GABRA4: variants seen among roughly 807,000 people sequenced by gnomAD.
GABRA4 encodes gamma-aminobutyric acid type A receptor subunit alpha4.
GABRA4 carries 12 observed loss-of-function variants against 49.7 expected under a neutral mutation model. The ratio of observed to expected loss-of-function variants is 0.24; its 90% CI spans 0.15 to 0.39. GABRA4 has a LOEUF of 0.39. Ranked by LOEUF, GABRA4 falls within the 10% of genes least tolerant of loss-of-function variation. The probability of loss-of-function intolerance (pLI) is 1.00; values close to 1 mark genes in which losing one functional copy is unlikely to be tolerated. For synonymous variants in GABRA4, 288 were observed against 240.2 expected, an observed-to-expected ratio of 1.20 and a Z score of -1.84; for missense variants, 506 against 686.0, an observed-to-expected ratio of 0.74 and a Z score of 2.93.
chr4:46,963,813 GGA>G (rs1722658297), intron 8 of GABRA4, among the ~76,000 whole-genome samples: 1 of 151,732 alleles, frequency 6.6e-6, no homozygotes, highest in African/African-American at 2.4e-5. Flanking sequence ...AGCAAACACT[GGA>G]GATAAATTAG....
At position 46,922,456 on chromosome 4, in the gene GABRA4, T is replaced by C. The variant is rs1441098793; in HGVS notation, c.*5769A>G. On this transcript the variant is annotated 3_prime_UTR_variant, in exon 9 of 9. Transcript: ENST00000264318. ...AATAGAAAGAAACCAGCCCCAAAAA[T>C]AGGCAAGGGAGATAAAACCTCAATG... 2 of 151,884 alleles carry C rather than the reference T, an allele frequency of 1.3e-5. No homozygotes were observed. Among genetic ancestry groups the C allele is most frequent in the Admixed American group, 6.6e-5 (1 of 15,226 alleles). The allele number at this position is 151,884 out of a possible 1,614,324, so 9.4% of individuals were successfully genotyped here.
chr4:46,970,989 T>A (rs1722932041), intron 7 of GABRA4, 94 bp downstream of exon 7: 1 of 1,120,550 alleles, frequency 8.9e-7, no homozygotes, highest in Non-Finnish European at 1.3e-6. Context: ...GATAGCCTGA[T>A]GTATTAGGGT....
At chr4:46,955,743 G>A (rs1354736986) in intron 8 of GABRA4, among the ~76,000 whole-genome samples, 3 of 152,018 alleles carry the variant, frequency 2.0e-5, no homozygotes, top group Non-Finnish European at 4.4e-5. Flanking sequence ...TCAGGAGACA[G>A]GTTTAAGGTG....
rs1167871673 is a variant in GABRA4, at chr4:46,921,032, A to G, written c.*7193T>C. On this transcript the variant is annotated 3_prime_UTR_variant, in exon 9 of 9. Coordinates refer to ENST00000264318, the MANE Select transcript of GABRA4 (RefSeq NM_000809.4). ...CTTGAATATCGTAAATTTCCTTTGC[A>G]TAGTTCCATTTTTCCATTTTGAAGT... The G allele has an allele frequency of 6.6e-6, 1 of 151,780 alleles. No homozygotes were observed. Among genetic ancestry groups the G allele is most frequent in the Admixed American group, 6.6e-5 (1 of 15,220 alleles). The allele number at this position is 151,780 out of a possible 1,614,324, so 9.4% of individuals were successfully genotyped here. A position where few individuals can be genotyped will look rare whatever the true frequency, so the allele number is the denominator to read the frequency against.
At chr4:46,935,255 A>C (rs548223928) in intron 8 of GABRA4, among the ~76,000 whole-genome samples, 2 of 152,318 alleles carry the variant, frequency 1.3e-5, no homozygotes, top group South Asian at 4.1e-4. Context: ...TTTGTCATTT[A>C]CTAGCTATGA....
chr4:46,934,797 A>G (rs1056969784), intron 8 of GABRA4, among the ~76,000 whole-genome samples: 6 of 152,102 alleles, frequency 3.9e-5, no homozygotes, highest in Admixed American at 2.0e-4. Flanking sequence ...AATGTTTTGT[A>G]TGGTAGACAC....
At chr4:46,979,376 G>T (rs968995231) in intron 2 of GABRA4, among the ~76,000 whole-genome samples, 1 of 151,992 alleles carries the variant, frequency 6.6e-6, no homozygotes, top group African/African-American at 2.4e-5. Flanking sequence ...GTTACAACAG[G>T]CAATGCAGAG....
chr4:46,930,504 A>C (rs1371583439), intron 8 of GABRA4, among the ~76,000 whole-genome samples: 1 of 152,072 alleles, frequency 6.6e-6, no homozygotes, highest in Non-Finnish European at 1.5e-5. Context: ...ATACATACAC[A>C]CATGATACAA....
At chr4:46,962,511 T>G (rs1722614526) in intron 8 of GABRA4, among the ~76,000 whole-genome samples, 1 of 151,890 alleles carries the variant, frequency 6.6e-6, no homozygotes, top group Non-Finnish European at 1.5e-5. Context: ...AGAATCAATA[T>G]TAATAAAATT....
At chr4:46,977,164 A>T in intron 4 of GABRA4, 21 bp from the exon 5 acceptor site, 1 of 1,474,334 alleles carries the variant, frequency 6.8e-7, no homozygotes, top group Non-Finnish European at 9.4e-7. Flanking sequence ...AAATGCAATT[A>T]AATAAAATCA....
intron 6 of GABRA4, among the ~76,000 whole-genome samples, chr4:46,971,703 C>T (rs1722952580): frequency 6.7e-6 from 1 of 150,302 alleles, no homozygotes; most frequent in African/African-American, 2.4e-5. Flanking sequence ...AATAAATATA[C>T]ATATTTATAT....
intron 2 of GABRA4, among the ~76,000 whole-genome samples, chr4:46,991,623 A>G (rs975978074): frequency 6.6e-6 from 1 of 152,182 alleles, no homozygotes; most frequent in African/African-American, 2.4e-5. Context: ...ATCACACAGC[A>G]TCTGATACCA....
intron 7 of GABRA4, among the ~76,000 whole-genome samples, chr4:46,968,709 T>A (rs1265091568): frequency 1.3e-5 from 2 of 151,686 alleles, no homozygotes; most frequent in East Asian, 3.9e-4. Context: ...TCTTAAAATA[T>A]CTTGTTTGGA....
intron 8 of GABRA4, among the ~76,000 whole-genome samples, chr4:46,961,625 G>T (rs192748996): frequency 6.6e-6 from 1 of 151,880 alleles, no homozygotes; most frequent in Non-Finnish European, 1.5e-5. Context: ...ATAAGGGACC[G>T]ATCTGTTATC....
At chr4:46,964,700 C>T (rs1356910413) in intron 8 of GABRA4, among the ~76,000 whole-genome samples, 3 of 151,628 alleles carry the variant, frequency 2.0e-5, no homozygotes, top group Non-Finnish European at 4.4e-5. Context: ...GGGATTTTGC[C>T]CCTTTCTGTA....
chr4:46,986,532 T>C (rs1432084710), intron 2 of GABRA4, among the ~76,000 whole-genome samples: 2 of 152,092 alleles, frequency 1.3e-5, no homozygotes, highest in Admixed American at 1.3e-4. Context: ...GGGACAAAGA[T>C]TCCTCCTCTC....
At chr4:46,967,810 G>A (rs1157679007) in intron 7 of GABRA4, among the ~76,000 whole-genome samples, 1 of 151,592 alleles carries the variant, frequency 6.6e-6, no homozygotes, top group Admixed American at 6.6e-5. Context: ...CAGAAGCTGA[G>A]TGAGGATGTG....
At chr4:46,974,644 T>C (rs1344825388) in intron 5 of GABRA4, among the ~76,000 whole-genome samples, 1 of 151,902 alleles carries the variant, frequency 6.6e-6, no homozygotes, top group Non-Finnish European at 1.5e-5. Context: ...AACTGAAGCA[T>C]CTAAAATGCT....
intron 8 of GABRA4, among the ~76,000 whole-genome samples, chr4:46,932,252 C>T (rs940485291): frequency 1.3e-5 from 2 of 152,082 alleles, no homozygotes; most frequent in Non-Finnish European, 2.9e-5. Context: ...TATTTTAAAA[C>T]AGAAAGGGAT....
Sources: gnomAD v4.1 joint callset for allele counts (sites outside exome capture counted in the v4.1 genomes callset) on GRCh38, gnomAD v4.1.1 for gene constraint, MANE v1.5 for transcripts, NCBI Gene and HGNC (gene_info 2026-07-23, HGNC 2026-07-21) for gene names.